HERC1: variants seen among roughly 807,000 people sequenced by gnomAD.
HERC1 encodes the protein probable E3 ubiquitin-protein ligase HERC1.
Under a neutral mutation model 554.3 loss-of-function variants are expected in HERC1, and 160 were observed. The ratio of observed to expected loss-of-function variants is 0.29; its 90% CI spans 0.25 to 0.33. The LOEUF is 0.33. Among genes scored for constraint, HERC1 ranks in the 10% least tolerant of loss-of-function variants. HERC1 has a pLI of 1.00. For missense variants in HERC1, 4,919 were observed against 5,918.5 expected (o/e 0.83, Z 5.54); for synonymous variants, 2,175 against 2,131.7 (o/e 1.02, Z -0.56).
intron 17 of HERC1, among the ~76,000 whole-genome samples, chr15:63,725,768 T>A (rs768170138): frequency 6.6e-6 from 1 of 152,206 alleles, no homozygotes; most frequent in Non-Finnish European, 1.5e-5. Context: ...AAACAACATA[T>A]GACAACATTA....
Position 63,634,753 on chromosome 15 carries a change from C to A in HERC1, c.12550G>T (p.Glu4184Ter), listed in dbSNP as rs1220947742. 1 of 1,613,106 alleles carries A rather than the reference C, an allele frequency of 6.2e-7. No individual in the cohort carries two copies. Among genetic ancestry groups the A allele is most frequent in the Admixed American group, 1.7e-5 (1 of 59,936 alleles). The change falls in exon 66 of 78, where the codon GAG becomes TAG. Residue 4184 changes from glutamate to a stop codon, truncating the protein, a stop_gained. Transcript: ENST00000443617. LOFTEE classifies it high-confidence loss of function. Reference sequence around the variant, plus strand: ...CATGCCTGTCCAATCTGATATCCCTCCAGTGCAGTCACTCTCTCTGGAAGT... The same window carrying A: ...CATGCCTGTCCAATCTGATATCCCTACAGTGCAGTCACTCTCTCTGGAAGT... ...KKLPERVTALEGYQIGQVACG... is the reference protein window; with the variant it reads ...KKLPERVTAL
intron 12 of HERC1, among the ~76,000 whole-genome samples, chr15:63,744,152 G>C (rs1567077942): frequency 7.9e-4 from 33 of 41,638 alleles, no homozygotes; most frequent in African/African-American, 2.3e-3. Flanking sequence ...GTGTGTGTGT[G>C]TGTGTGTGTG....
intron 34 of HERC1, among the ~76,000 whole-genome samples, chr15:63,682,105 G>A (rs544648916): frequency 6.6e-6 from 1 of 152,080 alleles, no homozygotes; most frequent in Non-Finnish European, 1.5e-5. Context: ...TATTGCTGGG[G>A]AAAAAGAAAG....
chr15:63,619,380 T>C (rs377048686), intron 74 of HERC1, among the ~76,000 whole-genome samples: 12 of 152,110 alleles, frequency 7.9e-5, no homozygotes, highest in South Asian at 2.1e-4. Flanking sequence ...TTTTGATGTG[T>C]TGCTGGATTC....
chr15:63,674,150 T>C (rs1284082326), intron 38 of HERC1, among the ~76,000 whole-genome samples, 192 bp downstream of exon 38: 1 of 151,826 alleles, frequency 6.6e-6, no homozygotes. Flanking sequence ...AGCAAAATTA[T>C]AGACAGAAGA....
intron 68 of HERC1, among the ~76,000 whole-genome samples, chr15:63,631,730 G>A (rs767985016): frequency 5.9e-5 from 9 of 152,066 alleles, no homozygotes; most frequent in South Asian, 2.1e-4. Context: ...TAGTAGAGAC[G>A]GCGTTTCGCC....
intron 45 of HERC1, among the ~76,000 whole-genome samples, chr15:63,661,288 T>C (rs2070344440): frequency 6.6e-6 from 1 of 152,184 alleles, no homozygotes; most frequent in Non-Finnish European, 1.5e-5. Context: ...TTCTATTCCA[T>C]AAAGCCTTAA....
rs375963676 is a variant in HERC1, at chr15:63,725,019, T to C, written c.3568+273A>G. On this transcript the variant is annotated intron_variant, in intron 18 of 77. Transcript: ENST00000443617. Reference sequence around the variant, plus strand: ...GCCTCGGAAAATAAGTGATGAAGCATTGAGTTAGATGACTTGCTCAAAATG... The same window carrying C: ...GCCTCGGAAAATAAGTGATGAAGCACTGAGTTAGATGACTTGCTCAAAATG... Among the ~76,000 whole-genome samples, 11 of 152,266 alleles carry C rather than the reference T, an allele frequency of 7.2e-5. No individual in the cohort carries two copies. In the South Asian group the frequency reaches 1.0e-3, roughly 14 times the overall value.
rs368740544 is a variant in HERC1 at position 63,749,341 on chromosome 15, G to C, written c.2219+26C>G. 4.5e-6 allele frequency: 7 copies of C among 1,543,404 alleles called. No individual in the cohort carries two copies. In the African/African-American group the frequency reaches 9.8e-5, roughly 22 times the overall value. On this transcript the variant is annotated intron_variant, in intron 10 of 77. Transcript: ENST00000443617. This position sits in a 1 kb window ranked among gnomAD's most constrained non-coding sequence, Gnocchi z 4.1. ...TTGGTGTTTATGTTAAAACACACAA[G>C]AATTTTTAAACATAGGCACTCTTAC...
At chr15:63,772,904 C>T (rs1254965403) in intron 2 of HERC1, among the ~76,000 whole-genome samples, 1 of 152,118 alleles carries the variant, frequency 6.6e-6, no homozygotes, top group Non-Finnish European at 1.5e-5. Context: ...AATTGTAAAA[C>T]ATGACCCAAT....
Position 63,669,597 on chromosome 15 carries a change from C to G in HERC1, c.8147G>C (p.Gly2716Ala). Residue 2716 changes from glycine to alanine, a missense_variant, in exon 40 of 78, where the codon GGA becomes GCA. Around this residue, in one of 11 missense-constraint regions of HERC1, gnomAD observed 1,963 missense variants for 2,228.6 expected, o/e 0.88. Coordinates refer to ENST00000443617, the MANE Select transcript of HERC1 (RefSeq NM_003922.4). ...AGGAGAAGTTAAACTTTGCCTCCTTCCTACTTCATCAGAAGGAGAGGTTGG... is the reference window on the plus strand; with the variant it reads ...AGGAGAAGTTAAACTTTGCCTCCTTGCTACTTCATCAGAAGGAGAGGTTGG... ...SLPTSPSDEV[G>A]RRQSLTSPDS... The G allele has an allele frequency of 1.2e-6, 2 of 1,613,894 alleles. No individual in the cohort carries two copies. Among genetic ancestry groups the G allele is most frequent in the Non-Finnish European group, 1.7e-6 (2 of 1,179,768 alleles).
intron 52 of HERC1, among the ~76,000 whole-genome samples, chr15:63,651,827 G>A (rs916404365): frequency 1.3e-5 from 2 of 152,198 alleles, no homozygotes; most frequent in South Asian, 2.1e-4. Flanking sequence ...CAGAAGGTCA[G>A]GAGTTTGAGA....
Position 63,612,101 on chromosome 15 carries a change from C to T in HERC1, c.14400+150G>A. On this transcript the variant is annotated intron_variant, in intron 77 of 77. Transcript: ENST00000443617. This position sits in a 1 kb window ranked among gnomAD's most constrained non-coding sequence, Gnocchi z 5.0. The stretch of plus-strand genomic sequence containing the variant: ...TACTGCGGAGGCTGAGGCAGGAGAA[C>T]TGCTTGAAGCTAGGAAGCGGAGGTT... 1 of 682,422 alleles carries T rather than the reference C, an allele frequency of 1.5e-6. No individual in the cohort carries two copies. The highest frequency in any genetic ancestry group is 2.4e-6 in the Non-Finnish European group (1 of 414,562). 42.3% of individuals were successfully genotyped at this position (682,422 alleles called of 1,614,324 possible).
At chr15:63,698,632 T>A in intron 26 of HERC1, 96 bp downstream of exon 26, 3 of 1,217,334 alleles carry the variant, frequency 2.5e-6, no homozygotes, top group Non-Finnish European at 3.4e-6. Flanking sequence ...AGGCAAGGAA[T>A]AGAAGAAAAG....
Position 63,623,787 on chromosome 15 carries a change from C to A in HERC1, c.13549G>T (p.Val4517Phe). 1 of 1,614,000 alleles carries A rather than the reference C, an allele frequency of 6.2e-7. No individual in the cohort carries two copies. Among genetic ancestry groups the A allele is most frequent in the Non-Finnish European group, 8.5e-7 (1 of 1,179,904 alleles). Reference protein sequence around the residue: ...LPSRAWKVKLVGEGADDAGGV... With the variant: ...LPSRAWKVKLFGEGADDAGGV... ...CCAGCATCATCAGCCCCTTCTCCAA[C>A]CAGCTTAACCTTCCACGCTCGGGAA... Residue 4517 changes from valine (V) to phenylalanine (F), a missense_variant, in exon 73 of 78, where the codon GTT becomes TTT. Coordinates refer to ENST00000443617, the MANE Select transcript of HERC1 (RefSeq NM_003922.4).
intron 43 of HERC1, among the ~76,000 whole-genome samples, chr15:63,664,205 G>A (rs1319616917): frequency 6.6e-6 from 1 of 152,198 alleles, no homozygotes; most frequent in East Asian, 1.9e-4. Context: ...GCAGAAGGAA[G>A]AGCATTTATA....
chr15:63,712,941 T>C, intron 23 of HERC1, 46 bp from the exon 24 acceptor site: 1 of 1,556,934 alleles, frequency 6.4e-7, no homozygotes, highest in Non-Finnish European at 8.7e-7. Flanking sequence ...TTAGGACTGT[T>C]AGTGAACATA....
At chr15:63,760,618 A>AT (rs1262826980) in intron 3 of HERC1, among the ~76,000 whole-genome samples, 2 of 152,086 alleles carry the variant, frequency 1.3e-5, no homozygotes, top group Admixed American at 1.3e-4. Context: ...AAGAGTAATG[A>AT]AAGACAAAAA....
intron 57 of HERC1, among the ~76,000 whole-genome samples, 200 bp from the exon 58 acceptor site, chr15:63,643,750 T>G (rs1054199351): frequency 2.0e-5 from 3 of 152,218 alleles, no homozygotes; most frequent in African/African-American, 7.2e-5. Flanking sequence ...GCTTTCATCT[T>G]TTTTAAAAAA....
Sources: allele counts gnomAD v4.1 joint callset (sites outside exome capture counted in the v4.1 genomes callset), GRCh38; gene constraint gnomAD v4.1.1; regional missense constraint gnomAD v4.1.1; non-coding constraint Gnocchi (gnomAD v3.1); transcripts MANE v1.5; gene names NCBI Gene and HGNC (gene_info 2026-07-23, HGNC 2026-07-21).